FMN2: variants seen among roughly 807,000 people sequenced by gnomAD.
FMN2 encodes formin 2, also known as formin-2.
A neutral mutation model predicts 142.3 loss-of-function variants in FMN2; 51 were observed. The ratio of observed to expected loss-of-function variants is 0.36; its 90% CI spans 0.29 to 0.45. The LOEUF is 0.45. Among genes scored for constraint, FMN2 ranks in the 20% least tolerant of loss-of-function variants. FMN2 has a pLI of 1.00. For missense variants in FMN2, 1,936 were observed against 2,122.8 expected (o/e 0.91, Z 1.73); for synonymous variants, 882 against 869.8 (o/e 1.01, Z -0.25).
In FMN2 at chr1:240,092,805, T is replaced by C. The variant is rs11583501; in HGVS notation, c.696T>C (p.Pro232=). ...AGCAGCTCCAGGGCGCCGAGGAGCC[T>C]GCAGCGCCCCCCACTGCCGTCTCCC... ...QQQQLQGAEE[P]AAPPTAVSPQ... Residue 232 remains proline, a synonymous_variant, in exon 1 of 18, where the codon CCT becomes CCC. Transcript: ENST00000319653. 7,250 of 1,585,654 alleles carry C rather than the reference T, an allele frequency of 4.6e-3. 24 individuals carry two copies. Among genetic ancestry groups the C allele is most frequent in the Non-Finnish European group, 5.3e-3 (6,205 of 1,166,692 alleles).
At chr1:240,302,820 C>G (rs1453472472) in intron 8 of FMN2, among the ~76,000 whole-genome samples, 10 of 151,686 alleles carry the variant, frequency 6.6e-5, no homozygotes, top group Admixed American at 6.6e-4. Flanking sequence ...CAACCTAGGC[C>G]AAAAGATTAT....
At chr1:240,328,816 C>A (rs1671282245) in intron 8 of FMN2, among the ~76,000 whole-genome samples, 1 of 152,148 alleles carries the variant, frequency 6.6e-6, no homozygotes, top group South Asian at 2.1e-4. Context: ...TCCTCAAACT[C>A]CTGACCTCAG....
intron 1 of FMN2, among the ~76,000 whole-genome samples, chr1:240,122,116 A>AGGTT (rs879708110): frequency 0.3 from 45,266 of 150,748 alleles, 7,021 homozygotes; most frequent in Middle Eastern, 0.35. Context: ...GAGACAGGCA[A>AGGTT]CACTCTTGTT....
chr1:240,348,512 C>T (rs574279733), intron 13 of FMN2, among the ~76,000 whole-genome samples: 4 of 142,230 alleles, frequency 2.8e-5, no homozygotes, highest in African/African-American at 7.9e-5. Flanking sequence ...CATGAGCCAC[C>T]GCGCCCAGCC....
chr1:240,112,122 AG>A (rs1188455165), intron 1 of FMN2, among the ~76,000 whole-genome samples: 1 of 150,412 alleles, frequency 6.6e-6, no homozygotes, highest in Non-Finnish European at 1.5e-5. Flanking sequence ...TAACATCCTT[AG>A]GCCTGCATTT....
chr1:240,277,367 A>G (rs964990993), intron 7 of FMN2, among the ~76,000 whole-genome samples: 5 of 151,364 alleles, frequency 3.3e-5, no homozygotes, highest in African/African-American at 1.2e-4. Flanking sequence ...TAAGACCAGC[A>G]GGTCTAAACT....
At chr1:240,340,760 A>G (rs1350031447) in intron 13 of FMN2, among the ~76,000 whole-genome samples, 2 of 152,090 alleles carry the variant, frequency 1.3e-5, no homozygotes, top group Non-Finnish European at 2.9e-5. Context: ...TGACTTGTAT[A>G]ATTTTCTCAT....
At chr1:240,220,801 T>A (rs1490338147) in intron 6 of FMN2, among the ~76,000 whole-genome samples, 2 of 152,118 alleles carry the variant, frequency 1.3e-5, no homozygotes, top group Non-Finnish European at 2.9e-5. Context: ...CGTGCCATGG[T>A]GGTTTGCTGC....
At chr1:240,136,597 T>C (rs998641303) in intron 2 of FMN2, among the ~76,000 whole-genome samples, 5 of 152,186 alleles carry the variant, frequency 3.3e-5, no homozygotes, top group Non-Finnish European at 7.4e-5. Context: ...TGACTCAGAA[T>C]TCATTTTGAA....
intron 1 of FMN2, among the ~76,000 whole-genome samples, chr1:240,113,828 C>T (rs1280599492): frequency 6.6e-6 from 1 of 152,142 alleles, no homozygotes; most frequent in Non-Finnish European, 1.5e-5. Flanking sequence ...AAACTGTTTG[C>T]CTTCCCACCA....
intron 1 of FMN2, among the ~76,000 whole-genome samples, chr1:240,119,361 C>T (rs1193933932): frequency 2.0e-5 from 3 of 150,486 alleles, no homozygotes; most frequent in Admixed American, 1.3e-4. Context: ...CCACCTGAGA[C>T]GATTGCAGGG....
chr1:240,354,128 G>A (rs115509208), intron 13 of FMN2, among the ~76,000 whole-genome samples: 250 of 152,256 alleles, frequency 1.6e-3, no homozygotes, highest in African/African-American at 5.8e-3. Context: ...AGGTTAAGCG[G>A]TTGGGTCTCT....
chr1:240,287,252 T>C (rs948899648), intron 7 of FMN2, among the ~76,000 whole-genome samples: 9 of 152,198 alleles, frequency 5.9e-5, no homozygotes, highest in African/African-American at 2.2e-4. Context: ...ATGACAAACC[T>C]GACTCTTAAA....
chr1:240,439,279 A>AAAAAAGAAAG (rs555074808), intron 16 of FMN2, among the ~76,000 whole-genome samples: 47 of 124,772 alleles, frequency 3.8e-4, no homozygotes, highest in East Asian at 2.2e-3. Flanking sequence ...TCAAAAAAAA[A>AAAAAAGAAAG]AAAGAAAGAA....
intron 2 of FMN2, chr1:240,142,881 C>T (rs1038719602): frequency 2.5e-6 from 4 of 1,602,218 alleles, no homozygotes; most frequent in Non-Finnish European, 3.4e-6. Context: ...TGGCAATGGC[C>T]TCAGCTCCTC....
chr1:240,210,993 G>C (rs1666669023), intron 5 of FMN2, 98 bp from the exon 6 acceptor site: 1 of 1,099,326 alleles, frequency 9.1e-7, no homozygotes, highest in Non-Finnish European at 1.3e-6. Flanking sequence ...CTTCCCTCCT[G>C]CTGGCCTTCC....
chr1:240,428,862 T>C (rs745611069), intron 15 of FMN2, among the ~76,000 whole-genome samples: 1 of 152,248 alleles, frequency 6.6e-6, no homozygotes, highest in Non-Finnish European at 1.5e-5. Context: ...AACTAACATT[T>C]TGAATCATTT....
chr1:240,109,739 C>A (rs979631794), intron 1 of FMN2, among the ~76,000 whole-genome samples: 1 of 152,086 alleles, frequency 6.6e-6, no homozygotes, highest in Non-Finnish European at 1.5e-5. Context: ...TCAATTATAG[C>A]AAATACATCA....
intron 8 of FMN2, 130 bp from the exon 9 acceptor site, chr1:240,328,946 G>A: frequency 1.3e-6 from 1 of 794,210 alleles, no homozygotes; most frequent in Non-Finnish European, 2.0e-6. Context: ...ATATACAGAT[G>A]CTAAGAAACA....
Sources: allele counts gnomAD v4.1 joint callset (sites outside exome capture counted in the v4.1 genomes callset), GRCh38; gene constraint gnomAD v4.1.1; transcripts MANE v1.5; gene names NCBI Gene and HGNC (gene_info 2026-07-23, HGNC 2026-07-21).